P2RX6: variants seen among roughly 807,000 people sequenced by gnomAD.
P2RX6 encodes purinergic receptor P2X 6.
A neutral mutation model predicts 54.2 loss-of-function variants in P2RX6; 62 were observed. The observed-to-expected ratio is 1.14, with a 90% confidence interval of 0.93 to 1.41. The LOEUF is 1.41. Among genes scored for constraint, P2RX6 ranks in the 40% most tolerant of loss-of-function variants. The pLI is 0.00. For synonymous variants in P2RX6, 211 were observed against 231.9 expected, an observed-to-expected ratio of 0.91 and a Z score of 0.82; for missense variants, 541 against 566.3, an observed-to-expected ratio of 0.96 and a Z score of 0.45.
rs1294418599 is a variant in P2RX6, at chr22:21,017,969, C to T, written c.316-20C>T. On this transcript the variant is annotated intron_variant, in intron 2 of 11. Coordinates refer to ENST00000413302, the MANE Select transcript of P2RX6 (RefSeq NM_005446.5). ...GTCAACACGAGCCCAGCCAGGCCAA[C>T]CTTGAGACTTGCCTCCTAGGGAGAG... The T allele has an allele frequency of 3.1e-5, 49 of 1,583,376 alleles. No individual in the cohort carries two copies. Among genetic ancestry groups the T allele is most frequent in the Non-Finnish European group, 4.2e-5 (49 of 1,153,412 alleles).
rs551652473 is a variant in P2RX6, at chr22:21,021,847, G to A, written c.388-829G>A. Among the ~76,000 whole-genome samples, 82 of 152,270 alleles carry A rather than the reference G, an allele frequency of 5.4e-4. 1 individual carries two copies. The highest frequency in any genetic ancestry group is 5.2e-3 in the East Asian group (27 of 5,180). On this transcript the variant is annotated intron_variant, in intron 3 of 11. Transcript: ENST00000413302. ...TAATGTCCCCAGGTTACAGAAGAGC[G>A]AGCAGGAAGGAGTAGCCTGTGGTCC...
chr22:21,016,116 G>C, intron 2 of P2RX6, 24 bp downstream of exon 2: 1 of 1,551,972 alleles, frequency 6.4e-7, no homozygotes, highest in South Asian at 1.2e-5. Flanking sequence ...TGTTGCTGAC[G>C]GGGGCGCAAG....
intron 2 of P2RX6, among the ~76,000 whole-genome samples, chr22:21,016,317 G>A (rs1336311959): frequency 3.3e-5 from 5 of 152,206 alleles, no homozygotes; most frequent in Admixed American, 6.5e-5. Context: ...CCAGGCCAGG[G>A]TTGGACGTGC....
chr22:21,012,609 C>T (rs1412508747), upstream of P2RX6: 3 of 604,062 alleles, frequency 5.0e-6, no homozygotes, highest in Non-Finnish European at 9.3e-6. Context: ...AAAAGTTCAG[C>T]CACTTGACAT....
In P2RX6 at chr22:21,026,527, G is replaced by A. The variant is rs556277237; in HGVS notation, c.1236G>A (p.Thr412=). 1.8e-5 allele frequency: 29 copies of A among 1,590,616 alleles called. No homozygotes were observed. The highest frequency in any genetic ancestry group is 1.7e-4 in the South Asian group (15 of 86,872). The change falls in exon 12 of 12, where the codon ACG becomes ACA. Residue 412 remains threonine (T), a synonymous_variant. Coordinates refer to ENST00000413302, the MANE Select transcript of P2RX6 (RefSeq NM_005446.5). This position sits in a 1 kb window ranked among gnomAD's most constrained non-coding sequence, Gnocchi z 4.0. ...CLRRSSAPAP[T]ATAAGSQTQT... is the part of the protein sequence containing the mutation. Reference sequence around the variant, plus strand: ...GACGGAGCTCAGCACCTGCACCCACGGCCACTGCTGCTGGGAGTCAGACAC... The same window carrying A: ...GACGGAGCTCAGCACCTGCACCCACAGCCACTGCTGCTGGGAGTCAGACAC...
In P2RX6 at chr22:21,022,714, G is replaced by A; in HGVS notation, c.426G>A (p.Glu142=). ...SVPLANCWVD[E]DCPEGEGGTH... Reference sequence around the variant, plus strand: ...CACTGGCTAACTGCTGGGTCGACGAGGACTGCCCCGAAGGGGAGGGAGGCA... The same window carrying A: ...CACTGGCTAACTGCTGGGTCGACGAAGACTGCCCCGAAGGGGAGGGAGGCA... Residue 142 remains glutamate, a synonymous_variant, in exon 4 of 12, where the codon GAG becomes GAA. Coordinates refer to ENST00000413302, the MANE Select transcript of P2RX6 (RefSeq NM_005446.5). 3.8e-6 allele frequency: 6 copies of A among 1,579,022 alleles called. No individual in the cohort carries two copies. Among genetic ancestry groups the A allele is most frequent in the Non-Finnish European group, 5.2e-6 (6 of 1,163,604 alleles).
chr22:21,012,089 A>G (rs928163497), upstream of P2RX6, among the ~76,000 whole-genome samples: 2 of 152,016 alleles, frequency 1.3e-5, no homozygotes, highest in African/African-American at 4.8e-5. Context: ...TTGGAAACTG[A>G]GCTGCTTTCA....
rs1928646990 is a variant in P2RX6 at position 21,027,435 on chromosome 22, CTGAGAGCCCTGGGGG to C, written c.*821_*835del. The C allele has an allele frequency of 6.6e-6, 1 of 152,170 alleles. No individual in the cohort carries two copies. The highest frequency in any genetic ancestry group is 1.5e-5 in the Non-Finnish European group (1 of 68,294). The allele number at this position is 152,170 out of a possible 1,614,324, so 9.4% of individuals were successfully genotyped here. A position where few individuals can be genotyped will look rare whatever the true frequency, so the allele number is the denominator to read the frequency against. On this transcript the variant is annotated 3_prime_UTR_variant, in exon 12 of 12. Coordinates refer to ENST00000413302, the MANE Select transcript of P2RX6 (RefSeq NM_005446.5). ...CCTTGGAATCTTTCCTCCAGGCTTC[CTGAGAGCCCTGGGGG>C]TGGGAGGCTGTGGGAGGCTGTACAT...
intron 8 of P2RX6, among the ~76,000 whole-genome samples, chr22:21,025,397 C>A (rs1175305847): frequency 1.3e-5 from 2 of 152,096 alleles, no homozygotes; most frequent in African/African-American, 4.8e-5. Context: ...TGGCTCCCAC[C>A]CACATCCTGT....
Position 21,022,693 on chromosome 22 carries a change from G to T in P2RX6, c.405G>T (p.Leu135=). 1 of 1,571,198 alleles carries T rather than the reference G, an allele frequency of 6.4e-7. No individual in the cohort carries two copies. The highest frequency in any genetic ancestry group is 8.6e-7 in the Non-Finnish European group (1 of 1,159,854). Reference sequence around the variant, plus strand: ...CACCTCAGCACCCGTCCGTCCCACTGGCTAACTGCTGGGTCGACGAGGACT... The same window carrying T: ...CACCTCAGCACCCGTCCGTCCCACTTGCTAACTGCTGGGTCGACGAGGACT... The part of the protein sequence containing the change: ...GRCPEHPSVP[L]ANCWVDEDCP... The change falls in exon 4 of 12, where the codon CTG becomes CTT. Residue 135 remains leucine, a synonymous_variant. Coordinates refer to ENST00000413302, the MANE Select transcript of P2RX6 (RefSeq NM_005446.5).
chr22:21,018,173 G>A (rs768256316), intron 3 of P2RX6, 113 bp downstream of exon 3: 8 of 735,194 alleles, frequency 1.1e-5, no homozygotes, highest in African/African-American at 6.9e-5. Context: ...GCCTGTGCTC[G>A]GTGTCCCCCA....
intron 3 of P2RX6, among the ~76,000 whole-genome samples, chr22:21,019,287 A>C (rs1355021947): frequency 2.0e-5 from 3 of 152,120 alleles, no homozygotes. Flanking sequence ...CGTAGTTGGA[A>C]ATATGCACAA....
chr22:21,023,960 T>C (rs1216321750), intron 8 of P2RX6, among the ~76,000 whole-genome samples: 1 of 50,806 alleles, frequency 2.0e-5, no homozygotes, highest in East Asian at 0.013. Context: ...TTCAGCTTTG[T>C]TTTTTTTTTT....
chr22:21,025,546 C>A (rs910053446), intron 8 of P2RX6, among the ~76,000 whole-genome samples: 1 of 152,236 alleles, frequency 6.6e-6, no homozygotes, highest in Non-Finnish European at 1.5e-5. Flanking sequence ...CTGAGCCTGC[C>A]CCTTCACATC....
rs1601771116 is a variant in P2RX6, at chr22:21,023,296, G to A, written c.660G>A (p.Trp220Ter). ...CCAGGTCCAATGCCTTGGAGACCTG[G>A]GACCCCACCTATTTTAAGCACTGCC... ...NFSKSNALET[W>*]DPTYFKHCRY... is the part of the protein sequence containing the mutation. The change falls in exon 7 of 12, where the codon TGG (tryptophan) becomes TGA (stop). Residue 220 changes from tryptophan (W) to a stop codon, truncating the protein, a stop_gained. Transcript: ENST00000413302. LOFTEE classifies it high-confidence loss of function. 1.2e-6 allele frequency: 2 copies of A among 1,613,896 alleles called. No individual in the cohort carries two copies. Among genetic ancestry groups the A allele is most frequent in the South Asian group, 1.1e-5 (1 of 91,062 alleles).
Position 21,018,235 on chromosome 22 carries a change from C to A in P2RX6, c.387+175C>A. 2 of 614,674 alleles carry A rather than the reference C, an allele frequency of 3.3e-6. 1 individual carries two copies. The allele number at this position is 614,674 out of a possible 1,614,324, so 38.1% of individuals were successfully genotyped here. A position where few individuals can be genotyped will look rare whatever the true frequency, so the allele number is the denominator to read the frequency against. On this transcript the variant is annotated intron_variant, in intron 3 of 11. Transcript: ENST00000413302. ...TCATTATGTTCAGTCTTCACATATC[C>A]CCTGCCTGGTAGGAAGTCCTGTGAT...
chr22:21,016,128 C>A, intron 2 of P2RX6, 36 bp downstream of exon 2: 14 of 1,544,526 alleles, frequency 9.1e-6, no homozygotes, highest in South Asian at 2.4e-5. Flanking sequence ...GGGCGCAAGT[C>A]CTTTCCCCAC....
chr22:21,019,014 C>T (rs1926908474), intron 3 of P2RX6, among the ~76,000 whole-genome samples: 1 of 152,180 alleles, frequency 6.6e-6, no homozygotes, highest in African/African-American at 2.4e-5. Flanking sequence ...TGATTCTCCC[C>T]CTGACATTTC....
At chr22:21,023,700 C>A in intron 8 of P2RX6, 82 bp downstream of exon 8, 1 of 992,518 alleles carries the variant, frequency 1.0e-6, no homozygotes, top group Non-Finnish European at 1.5e-6. Context: ...CACACCCAGG[C>A]CCAGGCCTCT....
Sources: gnomAD v4.1 joint callset for allele counts (sites outside exome capture counted in the v4.1 genomes callset) on GRCh38, gnomAD v4.1.1 for gene constraint, Gnocchi (gnomAD v3.1) non-coding constraint, MANE v1.5 for transcripts, NCBI Gene and HGNC (gene_info 2026-07-23, HGNC 2026-07-21) for gene names.